RGS6: variants seen among roughly 807,000 people sequenced by gnomAD.
RGS6 encodes regulator of G protein signaling 6.
Under a neutral mutation model 78.5 loss-of-function variants are expected in RGS6, and 30 were observed. That is an observed-to-expected ratio of 0.38 (90% CI 0.29 to 0.52). The LOEUF (loss-of-function observed/expected upper bound fraction) is 0.52. RGS6 is among the 20% of genes least tolerant of loss of function. RGS6 has a pLI of 0.85. For synonymous variants in RGS6, 206 were observed against 206.0 expected (o/e 1.00, Z 0.00); for missense variants, 495 against 609.7 (o/e 0.81, Z 1.98).
chr14:72,154,323 A>G (rs992867562), intron 2 of RGS6, among the ~76,000 whole-genome samples: 4 of 152,212 alleles, frequency 2.6e-5, no homozygotes, highest in Non-Finnish European at 4.4e-5. Flanking sequence ...AGTTAACACA[A>G]TTATCACAGT....
the RGS6 span, among the ~76,000 whole-genome samples, chr14:71,907,446 G>C: frequency 6.6e-6 from 1 of 152,150 alleles, no homozygotes; most frequent in African/African-American, 2.4e-5. Context: ...CTGGTGTAAG[G>C]ACCATGGGTT....
chr14:72,461,143 G>C (rs1266989367), intron 6 of RGS6, among the ~76,000 whole-genome samples: 4 of 152,162 alleles, frequency 2.6e-5, no homozygotes, highest in African/African-American at 9.7e-5. Context: ...TAGTGCTTCT[G>C]GGGCTGAAAA....
intron 2 of RGS6, among the ~76,000 whole-genome samples, chr14:72,010,624 C>T (rs1229193724): frequency 6.6e-6 from 1 of 152,156 alleles, no homozygotes; most frequent in African/African-American, 2.4e-5. Flanking sequence ...TAAGCTTCTG[C>T]ACTTGGCCCC....
At chr14:72,481,244 G>A (rs2096371790) in intron 12 of RGS6, among the ~76,000 whole-genome samples, 1 of 152,204 alleles carries the variant, frequency 6.6e-6, no homozygotes, top group Non-Finnish European at 1.5e-5. Flanking sequence ...GACTCAGTCT[G>A]CACACTGGGA....
chr14:72,430,419 T>C (rs1473859030), intron 3 of RGS6, among the ~76,000 whole-genome samples: 2 of 152,142 alleles, frequency 1.3e-5, no homozygotes, highest in Non-Finnish European at 2.9e-5. Flanking sequence ...GGACTCTCCT[T>C]TGAGGGTGGG....
chr14:71,947,111 A>G (rs2238285), intron 1 of RGS6, among the ~76,000 whole-genome samples: 11,714 of 152,204 alleles, frequency 0.077, 553 homozygotes, highest in East Asian at 0.2. Context: ...CAGTTAGTGT[A>G]CAATTCTTAT....
intron 1 of RGS6, among the ~76,000 whole-genome samples, chr14:71,935,642 A>G (rs1448691760): frequency 6.6e-6 from 1 of 152,194 alleles, no homozygotes; most frequent in Non-Finnish European, 1.5e-5. Flanking sequence ...GGATTAAAGC[A>G]TCAGAAAAGA....
At chr14:71,875,549 G>C in the RGS6 span, among the ~76,000 whole-genome samples, 1 of 151,890 alleles carries the variant, frequency 6.6e-6, no homozygotes, top group Non-Finnish European at 1.5e-5. Flanking sequence ...TTCTTTATTA[G>C]TCTTGCTAGC....
chr14:72,030,775 A>G (rs561745780), intron 2 of RGS6, among the ~76,000 whole-genome samples: 7 of 152,348 alleles, frequency 4.6e-5, no homozygotes, highest in African/African-American at 1.7e-4. Context: ...AGAATGTGGT[A>G]GAAATCAAGT....
chr14:72,556,454 C>T (rs577721283), intron 17 of RGS6, among the ~76,000 whole-genome samples: 2 of 152,258 alleles, frequency 1.3e-5, no homozygotes, highest in Admixed American at 1.3e-4. Context: ...GATTACAATT[C>T]GAAGTGAGAT....
chr14:72,611,046 G>A, the RGS6 span, among the ~76,000 whole-genome samples: 1 of 152,200 alleles, frequency 6.6e-6, no homozygotes, highest in African/African-American at 2.4e-5. Context: ...CCTCCACAGA[G>A]ATCACCAGAA....
At chr14:71,933,989 C>T (rs1485930437) in intron 1 of RGS6, among the ~76,000 whole-genome samples, 1 of 152,140 alleles carries the variant, frequency 6.6e-6, no homozygotes, top group Admixed American at 6.5e-5. Context: ...AATGTGTTGA[C>T]AACACGGCTC....
chr14:71,984,288 T>G (rs1422435252), intron 2 of RGS6, among the ~76,000 whole-genome samples: 1 of 110,090 alleles, frequency 9.1e-6, no homozygotes, highest in Non-Finnish European at 1.7e-5. Context: ...GGGAAGAAAC[T>G]GAATTATGTT....
At chr14:72,493,356 T>C (rs919748186) in intron 12 of RGS6, among the ~76,000 whole-genome samples, 1 of 151,966 alleles carries the variant, frequency 6.6e-6, no homozygotes, top group African/African-American at 2.4e-5. Context: ...GACACTATGA[T>C]AACCAAAAGT....
At position 72,446,478 on chromosome 14, in the gene RGS6, G is replaced by C. The variant is rs117587346; in HGVS notation, c.185-8050G>C. ...GGGCAATGAAGGCCTTCCCGAGGGA[G>C]TTAGGGCTGAAGGATGTGTCAGAGT... On this transcript the variant is annotated intron_variant, in intron 3 of 17. Coordinates refer to ENST00000553525, the MANE Select transcript of RGS6 (RefSeq NM_001204424.2). Among the ~76,000 whole-genome samples, 365 of 152,340 alleles carry C rather than the reference G, an allele frequency of 2.4e-3. 1 individual carries two copies. The highest frequency in any genetic ancestry group is 4.2e-3 in the Non-Finnish European group (287 of 68,024).
rs113254522 is a variant in RGS6 at position 72,103,402 on chromosome 14, T to C, written c.84+138527T>C. 2.1e-3 allele frequency among the ~76,000 whole-genome samples: 325 copies of C among 152,358 alleles called. 1 individual carries two copies. Among genetic ancestry groups the C allele is most frequent in the Non-Finnish European group, 3.4e-3 (233 of 68,022 alleles). ...AAAGTCCCATTTTATCTGTGCAACT[T>C]AATACCCTTTGTGCAATTTTAGCCA... On this transcript the variant is annotated intron_variant, in intron 2 of 17. Transcript: ENST00000553525.
intron 3 of RGS6, among the ~76,000 whole-genome samples, chr14:72,375,879 A>G (rs939547020): frequency 2.0e-5 from 3 of 152,190 alleles, no homozygotes; most frequent in Non-Finnish European, 4.4e-5. Context: ...ATCTTTTCCT[A>G]TTAAACCTAC....
At chr14:71,889,107 G>T in the RGS6 span, among the ~76,000 whole-genome samples, 1 of 152,092 alleles carries the variant, frequency 6.6e-6, no homozygotes, top group Admixed American at 6.5e-5. Context: ...AGGGCCAAAT[G>T]ATTGGTGGAG....
intron 2 of RGS6, among the ~76,000 whole-genome samples, chr14:71,973,317 T>C (rs1283854467): frequency 6.6e-6 from 1 of 152,182 alleles, no homozygotes; most frequent in Non-Finnish European, 1.5e-5. Context: ...AGTCAGAATG[T>C]TTAAAACAAA....
Sources: allele counts gnomAD v4.1 joint callset (sites outside exome capture counted in the v4.1 genomes callset), GRCh38; gene constraint gnomAD v4.1.1; transcripts MANE v1.5; gene names NCBI Gene and HGNC (gene_info 2026-07-23, HGNC 2026-07-21).